KNDC1: variants seen among roughly 807,000 people sequenced by gnomAD.
KNDC1 encodes the protein kinase non-catalytic C-lobe domain containing 1, also known as kinase non-catalytic C-lobe domain-containing protein 1.
Under a neutral mutation model 172.8 loss-of-function variants are expected in KNDC1, and 106 were observed. That is an observed-to-expected ratio of 0.61 (90% CI 0.52 to 0.72). The LOEUF (loss-of-function observed/expected upper bound fraction) is 0.72, where lower values mean the gene tolerates loss of function less well. KNDC1 is among the 30% of genes least tolerant of loss of function. KNDC1 has a pLI of 0.00. For synonymous variants in KNDC1, 1,083 were observed against 1,062.2 expected, an observed-to-expected ratio of 1.02 and a Z score of -0.38; for missense variants, 2,325 against 2,394.5, an observed-to-expected ratio of 0.97 and a Z score of 0.61.
At chr10:133,190,118 T>C (rs151102607) in intron 9 of KNDC1, among the ~76,000 whole-genome samples, 1 of 152,314 alleles carries the variant, frequency 6.6e-6, no homozygotes, top group African/African-American at 2.4e-5. Context: ...TCTTAAAATT[T>C]AAATTACACA....
intron 16 of KNDC1, 133 bp from the exon 17 acceptor site, chr10:133,201,368 G>T: frequency 2.1e-6 from 2 of 959,206 alleles, no homozygotes; most frequent in Non-Finnish European, 3.1e-6. Context: ...GTGCCCGGGG[G>T]GCGCCCGTGG....
chr10:133,196,438 G>A (rs1854193545), intron 10 of KNDC1, among the ~76,000 whole-genome samples: 1 of 152,088 alleles, frequency 6.6e-6, no homozygotes, highest in South Asian at 2.1e-4. Context: ...GCTGGGTGTG[G>A]GTGATCAGGA....
In KNDC1 at chr10:133,195,651, C is replaced by A; in HGVS notation, c.1576-12C>A. 6.4e-7 allele frequency: 1 copy of A among 1,552,116 alleles called. No individual in the cohort carries two copies. On this transcript the variant is annotated splice_polypyrimidine_tract_variant and intron_variant, in intron 9 of 29. Transcript: ENST00000304613. ...CCCTGCGGTAGACACTATTCTCTCCCCACCCGCCCAGGCCTCTGTGTACTG... is the reference window on the plus strand; with the variant it reads ...CCCTGCGGTAGACACTATTCTCTCCACACCCGCCCAGGCCTCTGTGTACTG...
At chr10:133,208,770 T>C (rs1208533923) in intron 20 of KNDC1, among the ~76,000 whole-genome samples, 2 of 152,204 alleles carry the variant, frequency 1.3e-5, no homozygotes, top group Admixed American at 1.3e-4. Flanking sequence ...ACTGGGCACG[T>C]GTGCAGTGTG....
rs1020652828 is a variant in KNDC1 at position 133,186,733 on chromosome 10, G to T, written c.1326+59G>T. 3 of 1,254,774 alleles carry T rather than the reference G, an allele frequency of 2.4e-6. No homozygotes were observed. In the East Asian group the frequency reaches 7.2e-5, roughly 30 times the overall value. The allele number at this position is 1,254,774 out of a possible 1,614,324, so 77.7% of individuals were successfully genotyped here. On this transcript the variant is annotated intron_variant, in intron 6 of 29. Coordinates refer to ENST00000304613, the MANE Select transcript of KNDC1 (RefSeq NM_152643.8). ...GTCGGCGGTCAGTGAGTCCGGGGCCGGGCCTCTCCACAGATGCAAACGCTT... is the reference window on the plus strand; with the variant it reads ...GTCGGCGGTCAGTGAGTCCGGGGCCTGGCCTCTCCACAGATGCAAACGCTT...
chr10:133,185,343 G>A lies in KNDC1; in HGVS notation c.626-631G>A, dbSNP rs1292924189. 2.0e-4 allele frequency among the ~76,000 whole-genome samples: 24 copies of A among 122,286 alleles called. 1 individual carries two copies. Among genetic ancestry groups the A allele is most frequent in the Admixed American group, 3.2e-4 (4 of 12,406 alleles). 80.2% of individuals were successfully genotyped at this position (122,286 alleles called of 152,430 possible). A position where few individuals can be genotyped will look rare whatever the true frequency, so the allele number is the denominator to read the frequency against. ...GTACAGTGTGGAGTAGGCAGTGTGT[G>A]CAGTGTGGAGTAGGCAGTGTGTACA... On this transcript the variant is annotated intron_variant, in intron 5 of 29. Transcript: ENST00000304613.
chr10:133,164,425 C>T (rs1041177609), intron 1 of KNDC1, among the ~76,000 whole-genome samples: 1 of 152,216 alleles, frequency 6.6e-6, no homozygotes, highest in African/African-American at 2.4e-5. Context: ...TGTGGAAAGT[C>T]ACGAGGCCCC....
Position 133,217,134 on chromosome 10 carries a change from A to G in KNDC1, c.4678-1697A>G, listed in dbSNP as rs552148297. On this transcript the variant is annotated intron_variant, in intron 26 of 29. Coordinates refer to ENST00000304613, the MANE Select transcript of KNDC1 (RefSeq NM_152643.8). ...TGTAGTTAACACGGCTGAACCGTGC[A>G]CTCAGAAAAGGCTACAAAGGTAAAT... Among the ~76,000 whole-genome samples the G allele has an allele frequency of 7.9e-5, 12 of 152,398 alleles. 1 individual carries two copies. The East Asian group carries it at 2.3e-3, about 29-fold the overall frequency.
intron 21 of KNDC1, 31 bp downstream of exon 21, chr10:133,210,755 G>C (rs759863147): frequency 1.3e-6 from 2 of 1,556,144 alleles, no homozygotes; most frequent in East Asian, 2.2e-5. Flanking sequence ...ACGCCCGCCA[G>C]AGCTTCCCCC....
chr10:133,170,547 C>T (rs888944941), intron 3 of KNDC1, among the ~76,000 whole-genome samples: 13 of 152,174 alleles, frequency 8.5e-5, no homozygotes, highest in Admixed American at 8.5e-4. Context: ...TTGTCTGCCC[C>T]TAAGAGCGTT....
rs986731802 is a variant in KNDC1 at position 133,218,865 on chromosome 10, T to C, written c.4712T>C (p.Ile1571Thr). 1 of 1,613,256 alleles carries C rather than the reference T, an allele frequency of 6.2e-7. No homozygotes were observed. The highest frequency in any genetic ancestry group is 8.5e-7 in the Non-Finnish European group (1 of 1,179,286). ...QVNLLSKFLL[I>T]AKSCYEQRNF... ...AACTTGCTGTCCAAATTTTTGCTGA[T>C]TGCAAAATCTTGCTATGAGCAGAGA... The change falls in exon 27 of 30, where the codon ATT becomes ACT. Residue 1571 changes from isoleucine (I) to threonine (T), a missense_variant. By Grantham distance (89) the Ile-to-Thr change is moderately conservative. Coordinates refer to ENST00000304613, the MANE Select transcript of KNDC1 (RefSeq NM_152643.8).
intron 3 of KNDC1, among the ~76,000 whole-genome samples, chr10:133,172,519 T>G (rs1853407208): frequency 6.6e-6 from 1 of 152,246 alleles, no homozygotes; most frequent in Non-Finnish European, 1.5e-5. Context: ...ATTTCCCATT[T>G]TGTTGATGTT....
chr10:133,207,226 C>G lies in KNDC1; in HGVS notation c.3669C>G (p.Phe1223Leu). ...IAAAPCDTLD[F>L]SPLDESSSLI... ...CCGCACCCTGCGACACGCTGGACTT[C>G]AGCCCCCTGGACGAGTCCTCCTCGC... The change falls in exon 20 of 30, where the codon TTC becomes TTG. Residue 1223 changes from phenylalanine to leucine, a missense_variant. Transcript: ENST00000304613. The G allele has an allele frequency of 1.2e-6, 2 of 1,612,752 alleles. No homozygotes were observed. Among genetic ancestry groups the G allele is most frequent in the African/African-American group, 2.7e-5 (2 of 75,074 alleles).
chr10:133,165,350 G>A (rs1193885420), intron 1 of KNDC1, among the ~76,000 whole-genome samples: 2 of 152,208 alleles, frequency 1.3e-5, no homozygotes, highest in Non-Finnish European at 2.9e-5. Context: ...TGCTGTGTGC[G>A]AGTGGTGGCC....
chr10:133,200,574 G>A (rs2998137), intron 16 of KNDC1, 114 bp downstream of exon 16: 329,169 of 765,580 alleles, frequency 0.43, 77,469 homozygotes, highest in East Asian at 0.6. Context: ...CTGCTCCAGC[G>A]GGGCTGCCTT....
At chr10:133,207,664 C>G (rs2136014460) in intron 20 of KNDC1, among the ~76,000 whole-genome samples, 1 of 152,354 alleles carries the variant, frequency 6.6e-6, no homozygotes, top group East Asian at 1.9e-4. Flanking sequence ...CACGCACAGG[C>G]AGCTCGGCGA....
rs979368475 is a variant in KNDC1, at chr10:133,224,190, G to A, written c.5019-469G>A. 1.1e-4 allele frequency among the ~76,000 whole-genome samples: 16 copies of A among 152,204 alleles called. No individual in the cohort carries two copies. The highest frequency in any genetic ancestry group is 5.2e-4 in the Admixed American group (8 of 15,284). ...CAGGCCTGGCTGAGGGCTCCTGCTC[G>A]TGACTGGCCAGCTTTCTCCATTATA... On this transcript the variant is annotated intron_variant, in intron 29 of 29. Transcript: ENST00000304613. This position sits in a 1 kb window ranked among gnomAD's most constrained non-coding sequence, Gnocchi z 5.4.
At chr10:133,211,607 C>A (rs751490971) in intron 22 of KNDC1, 38 bp downstream of exon 22, 3 of 1,603,166 alleles carry the variant, frequency 1.9e-6, no homozygotes, top group East Asian at 2.2e-5. Flanking sequence ...GCACCCGGGG[C>A]TCCCACAGTG....
At chr10:133,205,648 T>C (rs1475648443) in intron 17 of KNDC1, among the ~76,000 whole-genome samples, 1 of 152,202 alleles carries the variant, frequency 6.6e-6, no homozygotes, top group African/African-American at 2.4e-5. Flanking sequence ...CCAGCTGGAA[T>C]CCGCATCATT....
Sources: gnomAD v4.1 joint callset for allele counts (sites outside exome capture counted in the v4.1 genomes callset) on GRCh38, gnomAD v4.1.1 for gene constraint, Gnocchi (gnomAD v3.1) non-coding constraint, MANE v1.5 for transcripts, NCBI Gene and HGNC (gene_info 2026-07-23, HGNC 2026-07-21) for gene names.